The following FHIT variants were observed in gnomAD, a reference collection of about 807,000 sequenced individuals.
The protein encoded by FHIT is bis(5'-adenosyl)-triphosphatase.
In FHIT, 19 loss-of-function variants were observed where a neutral mutation model predicts 17.9. The ratio of observed to expected loss-of-function variants is 1.06; its 90% CI spans 0.74 to 1.56. The LOEUF (loss-of-function observed/expected upper bound fraction) is 1.56. FHIT is among the 40% of genes most tolerant of loss of function. The pLI is 0.00. For synonymous variants in FHIT, 81 were observed against 69.7 expected, an observed-to-expected ratio of 1.16 and a Z score of -0.81; for missense variants, 248 against 189.2, an observed-to-expected ratio of 1.31 and a Z score of -1.82.
chr3:60,512,152 T>C (rs1337965449), intron 5 of FHIT, among the ~76,000 whole-genome samples: 3 of 152,218 alleles, frequency 2.0e-5, no homozygotes, highest in Non-Finnish European at 2.9e-5. Flanking sequence ...GGAAATCTTA[T>C]TGTGGAACAA....
At chr3:60,268,197 G>A (rs76657867) in intron 5 of FHIT, among the ~76,000 whole-genome samples, 13,609 of 152,182 alleles carry the variant, frequency 0.089, 765 homozygotes, top group Non-Finnish European at 0.13. Flanking sequence ...CTGAACTTTT[G>A]AGTTTTTAGC....
chr3:60,044,743 A>G (rs554084821), intron 5 of FHIT, among the ~76,000 whole-genome samples: 1 of 152,148 alleles, frequency 6.6e-6, no homozygotes, highest in Non-Finnish European at 1.5e-5. Context: ...GCTTTCTTCT[A>G]AATGAGGAAT....
intron 5 of FHIT, among the ~76,000 whole-genome samples, chr3:60,390,848 CAGAA>C (rs1392838651): frequency 2.0e-5 from 3 of 151,978 alleles, no homozygotes; most frequent in African/African-American, 4.8e-5. Flanking sequence ...ACAAGAGTGT[CAGAA>C]AGCTAAAAAA....
intron 4 of FHIT, among the ~76,000 whole-genome samples, chr3:60,729,016 G>A (rs996948748): frequency 2.6e-5 from 4 of 152,164 alleles, no homozygotes; most frequent in South Asian, 2.1e-4. Context: ...AAGTCATTTC[G>A]TTTTACACAA....
chr3:60,303,914 G>A (rs1708553848), intron 5 of FHIT, among the ~76,000 whole-genome samples: 1 of 152,124 alleles, frequency 6.6e-6, no homozygotes, highest in African/African-American at 2.4e-5. Flanking sequence ...TTAATAGTAA[G>A]GAACACTGGT....
At chr3:60,133,437 C>G (rs1305347966) in intron 5 of FHIT, among the ~76,000 whole-genome samples, 1 of 152,182 alleles carries the variant, frequency 6.6e-6, no homozygotes, top group Non-Finnish European at 1.5e-5. Flanking sequence ...GGGGCAAGCA[C>G]AGATGTCCTG....
intron 5 of FHIT, among the ~76,000 whole-genome samples, chr3:60,360,328 C>T (rs1257838673): frequency 6.6e-6 from 1 of 151,598 alleles, no homozygotes; most frequent in Non-Finnish European, 1.5e-5. Flanking sequence ...AAGACAAAGG[C>T]AACTTAAGGA....
intron 4 of FHIT, among the ~76,000 whole-genome samples, chr3:60,713,866 T>G (rs2041608616): frequency 6.6e-6 from 1 of 151,618 alleles, no homozygotes; most frequent in Non-Finnish European, 1.5e-5. Flanking sequence ...AAGGAGGAAC[T>G]GGTACCATTC....
intron 1 of FHIT, among the ~76,000 whole-genome samples, chr3:61,222,694 C>T (rs567369478): frequency 6.6e-6 from 1 of 152,150 alleles, no homozygotes; most frequent in East Asian, 1.9e-4. Flanking sequence ...GAAATGAATA[C>T]TGCAAAGAAA....
At chr3:60,988,946 T>TAA (rs535898632) in intron 3 of FHIT, among the ~76,000 whole-genome samples, 490 of 34,322 alleles carry the variant, frequency 0.014, 81 homozygotes, top group African/African-American at 0.024. Flanking sequence ...ATGGCTTTGT[T>TAA]AAAAAAAAAA....
At chr3:60,386,196 G>T (rs1167635782) in intron 5 of FHIT, among the ~76,000 whole-genome samples, 1 of 152,078 alleles carries the variant, frequency 6.6e-6, no homozygotes, top group African/African-American at 2.4e-5. Flanking sequence ...GCCTCTGGAA[G>T]ACTCTCTCCT....
chr3:60,723,056 G>A (rs995608063), intron 4 of FHIT, among the ~76,000 whole-genome samples: 1 of 152,052 alleles, frequency 6.6e-6, no homozygotes, highest in South Asian at 2.1e-4. Context: ...TCTGGGCATC[G>A]GGAGGAAAAT....
intron 2 of FHIT, among the ~76,000 whole-genome samples, chr3:61,064,841 C>A (rs2034546998): frequency 6.6e-6 from 1 of 152,128 alleles, no homozygotes; most frequent in South Asian, 2.1e-4. Flanking sequence ...CCTTGACTCC[C>A]CAAAGGAGAG....
intron 4 of FHIT, among the ~76,000 whole-genome samples, chr3:60,772,703 T>C (rs1025003068): frequency 2.0e-5 from 3 of 152,114 alleles, no homozygotes; most frequent in Non-Finnish European, 2.9e-5. Context: ...ACATGAACAA[T>C]TGCCAGCCAT....
At chr3:59,926,395 T>C (rs55706007) in intron 7 of FHIT, among the ~76,000 whole-genome samples, 11,544 of 152,238 alleles carry the variant, frequency 0.076, 563 homozygotes, top group African/African-American at 0.14. Context: ...TCTGTCCCCA[T>C]AGAGCTTATA....
chr3:61,117,441 G>C (rs1406264868), intron 2 of FHIT, among the ~76,000 whole-genome samples: 1 of 152,098 alleles, frequency 6.6e-6, no homozygotes, highest in Non-Finnish European at 1.5e-5. Context: ...AAATTGATTT[G>C]GAAGAGTAAG....
At chr3:60,241,610 G>A (rs149620318) in intron 5 of FHIT, among the ~76,000 whole-genome samples, 1 of 152,200 alleles carries the variant, frequency 6.6e-6, no homozygotes, top group South Asian at 2.1e-4. Context: ...TAGAGGCAAA[G>A]AGAGATAAAC....
chr3:61,067,219 C>G (rs1012055934), intron 2 of FHIT, among the ~76,000 whole-genome samples: 2 of 152,154 alleles, frequency 1.3e-5, no homozygotes, highest in African/African-American at 4.8e-5. Flanking sequence ...CTTATTATCT[C>G]TATGCATCAG....
At chr3:60,227,539 C>G (rs1027949272) in intron 5 of FHIT, among the ~76,000 whole-genome samples, 1 of 152,068 alleles carries the variant, frequency 6.6e-6, no homozygotes, top group Non-Finnish European at 1.5e-5. Context: ...ATTTTTTTCA[C>G]CTACTTCTGT....
Sources: allele counts gnomAD v4.1 joint callset (sites outside exome capture counted in the v4.1 genomes callset), GRCh38; gene constraint gnomAD v4.1.1; transcripts MANE v1.5; gene names NCBI Gene and HGNC (gene_info 2026-07-23, HGNC 2026-07-21).